The following RAD18 variants were observed in gnomAD, a reference collection of about 807,000 sequenced individuals.
RAD18 encodes RAD18 E3 ubiquitin protein ligase, also known as E3 ubiquitin-protein ligase RAD18.
In RAD18, 47 loss-of-function variants were observed where a neutral mutation model predicts 60.4. The observed-to-expected ratio is 0.78, with a 90% CI of 0.62 to 0.99. The LOEUF (loss-of-function observed/expected upper bound fraction) is 0.99, where lower values mean the gene tolerates loss of function less well. Ranked by LOEUF, RAD18 falls within the 50% of genes least tolerant of loss-of-function variation. The pLI, the probability that RAD18 is intolerant of heterozygous loss-of-function variation, is 0.00. For missense variants in RAD18, 640 were observed against 593.3 expected (o/e 1.08, Z -0.82); for synonymous variants, 225 against 195.5 (o/e 1.15, Z -1.26).
intron 1 of RAD18, among the ~76,000 whole-genome samples, chr3:8,960,009 T>C (rs1163729225): frequency 6.6e-6 from 1 of 151,522 alleles, no homozygotes; most frequent in African/African-American, 2.4e-5. Context: ...AAGGAAGAGG[T>C]GAGTAAGAAT....
intron 7 of RAD18, among the ~76,000 whole-genome samples, chr3:8,923,067 T>G (rs563070758): frequency 6.6e-6 from 1 of 152,222 alleles, no homozygotes; most frequent in Non-Finnish European, 1.5e-5. Context: ...GGACAGAGAA[T>G]GACTTCGACG....
At chr3:8,962,002 A>G (rs951754719) in intron 1 of RAD18, among the ~76,000 whole-genome samples, 2 of 152,228 alleles carry the variant, frequency 1.3e-5, no homozygotes, top group African/African-American at 4.8e-5. Flanking sequence ...TAATAATAAA[A>G]TATATTCATT....
intron 7 of RAD18, among the ~76,000 whole-genome samples, chr3:8,919,323 C>T (rs988043526): frequency 6.6e-6 from 1 of 151,434 alleles, no homozygotes; most frequent in Non-Finnish European, 1.5e-5. Flanking sequence ...ACTCAGAATA[C>T]AATTTAAAAA....
chr3:8,963,235 G>A (rs1941118904), intron 1 of RAD18, 100 bp downstream of exon 1: 2 of 1,309,104 alleles, frequency 1.5e-6, no homozygotes, highest in Non-Finnish European at 1.0e-6. Context: ...TGCGACGCTC[G>A]CGCCTCATCC....
intron 5 of RAD18, among the ~76,000 whole-genome samples, 189 bp from the exon 6 acceptor site, chr3:8,939,842 G>T (rs1940717519): frequency 6.6e-6 from 1 of 152,208 alleles, no homozygotes; most frequent in Non-Finnish European, 1.5e-5. Flanking sequence ...CTGGGTAATG[G>T]CTAAATTGTG....
intron 7 of RAD18, among the ~76,000 whole-genome samples, chr3:8,921,582 G>A (rs929921912): frequency 1.3e-5 from 2 of 152,048 alleles, no homozygotes; most frequent in Admixed American, 6.6e-5. Context: ...CGAGGCTGCG[G>A]TGAACTATCA....
At chr3:8,916,864 C>T (rs1940210043) in intron 7 of RAD18, among the ~76,000 whole-genome samples, 2 of 151,712 alleles carry the variant, frequency 1.3e-5, no homozygotes. Context: ...GGGACAATAT[C>T]AAGAAATATA....
intron 9 of RAD18, among the ~76,000 whole-genome samples, chr3:8,910,930 A>G (rs341774): frequency 0.7 from 106,339 of 152,124 alleles, 37,638 homozygotes; most frequent in Middle Eastern, 0.76. Context: ...CCTCTAGGGA[A>G]TGGGAATAGA....
At chr3:8,957,085 G>A (rs906232006) in intron 2 of RAD18, among the ~76,000 whole-genome samples, 1 of 152,226 alleles carries the variant, frequency 6.6e-6, no homozygotes. Context: ...TGGAATTAAA[G>A]TGAATTTACT....
At chr3:8,894,713 T>G (rs1939755128) in intron 11 of RAD18, among the ~76,000 whole-genome samples, 1 of 151,270 alleles carries the variant, frequency 6.6e-6, no homozygotes, top group South Asian at 2.1e-4. Flanking sequence ...AATGTTCCAT[T>G]CATCCAAAAG....
At chr3:8,947,798 A>C (rs1479848843) in intron 3 of RAD18, among the ~76,000 whole-genome samples, 2 of 152,252 alleles carry the variant, frequency 1.3e-5, no homozygotes, top group African/African-American at 4.8e-5. Context: ...TGTCAAAAGC[A>C]GTGTAACATA....
chr3:8,945,770 T>C (rs762270381), intron 4 of RAD18, among the ~76,000 whole-genome samples: 7 of 152,012 alleles, frequency 4.6e-5, no homozygotes, highest in Non-Finnish European at 8.8e-5. Context: ...AAGCCCGGCC[T>C]CCATCTTCAT....
At chr3:8,949,897 T>C (rs926393315) in intron 2 of RAD18, among the ~76,000 whole-genome samples, 1 of 152,148 alleles carries the variant, frequency 6.6e-6, no homozygotes, top group African/African-American at 2.4e-5. Flanking sequence ...CACACTTCTG[T>C]GAGTTTTAGT....
At chr3:8,887,266 G>C (rs1213262094) in intron 12 of RAD18, among the ~76,000 whole-genome samples, 1 of 152,178 alleles carries the variant, frequency 6.6e-6, no homozygotes, top group East Asian at 1.9e-4. Context: ...TTATTTATAG[G>C]ACTTTGCAAG....
At chr3:8,889,936 C>T (rs1353587930) in intron 12 of RAD18, among the ~76,000 whole-genome samples, 1 of 152,144 alleles carries the variant, frequency 6.6e-6, no homozygotes, top group Non-Finnish European at 1.5e-5. Flanking sequence ...GGTTTAGATA[C>T]ACTAACAGGT....
intron 2 of RAD18, among the ~76,000 whole-genome samples, chr3:8,951,354 A>G (rs190754448): frequency 1.1e-3 from 168 of 152,322 alleles, no homozygotes; most frequent in African/African-American, 3.8e-3. Flanking sequence ...GTGTTGAGAG[A>G]AAATCATCAC....
intron 7 of RAD18, among the ~76,000 whole-genome samples, chr3:8,923,548 C>G (rs1369170925): frequency 6.6e-6 from 1 of 152,006 alleles, no homozygotes; most frequent in Non-Finnish European, 1.5e-5. Flanking sequence ...CATTCACATT[C>G]AGGAAATACA....
At chr3:8,907,421 G>GTCAA (rs1162106293) in intron 9 of RAD18, among the ~76,000 whole-genome samples, 1 of 152,180 alleles carries the variant, frequency 6.6e-6, no homozygotes, top group Non-Finnish European at 1.5e-5. Context: ...GTGTCCTTGA[G>GTCAA]ATACAGAATG....
rs753179399 is a variant in RAD18 at position 8,947,277 on chromosome 3, G to A, written c.209C>T (p.Pro70Leu). Residue 70 changes from proline to leucine, a missense_variant, in exon 4 of 13, where the codon CCG becomes CTG. Physicochemically the swap from Pro to Leu is moderately conservative, Grantham distance 98. Coordinates refer to ENST00000264926, the MANE Select transcript of RAD18 (RefSeq NM_020165.4). ...CPTCCVTVTE[P>L]DLKNNRILDE... ...TAATATGCGGTTATTTTTCAGATCC[G>A]GCTCTGTGACAGTCTAGAAAAAACA... 32 of 1,608,682 alleles carry A rather than the reference G, an allele frequency of 2.0e-5. No individual in the cohort carries two copies. The highest frequency in any genetic ancestry group is 3.3e-5 in the Admixed American group (2 of 59,774).
Sources: allele counts gnomAD v4.1 joint callset (sites outside exome capture counted in the v4.1 genomes callset), GRCh38; gene constraint gnomAD v4.1.1; transcripts MANE v1.5; gene names NCBI Gene and HGNC (gene_info 2026-07-23, HGNC 2026-07-21).